The following USH2A variants were observed in gnomAD, a reference collection of about 807,000 sequenced individuals.
The protein encoded by USH2A is Usher syndrome 2A (autosomal recessive, mild).
Under a neutral mutation model 538.9 loss-of-function variants are expected in USH2A, and 443 were observed. That is an observed-to-expected ratio of 0.82 (90% CI 0.76 to 0.89). The LOEUF is 0.89. Among genes scored for constraint, USH2A ranks in the 40% least tolerant of loss-of-function variants. The probability of loss-of-function intolerance (pLI) is 0.00; values close to 1 mark genes in which losing one functional copy is unlikely to be tolerated. For synonymous variants in USH2A, 2,413 were observed against 2,273.5 expected (o/e 1.06, Z -1.75); for missense variants, 6,633 against 6,324.8 (o/e 1.05, Z -1.65).
chr1:215,663,537 G>A lies in USH2A; in HGVS notation c.14133+7435C>T, dbSNP rs1489733490. 4.6e-4 allele frequency among the ~76,000 whole-genome samples: 70 copies of A among 152,108 alleles called. 1 individual carries two copies. Among genetic ancestry groups the A allele is most frequent in the Admixed American group, 4.6e-3 (70 of 15,264 alleles). On this transcript the variant is annotated intron_variant, in intron 64 of 71. Coordinates refer to ENST00000307340, the MANE Select transcript of USH2A (RefSeq NM_206933.4). ...TGGTTGGTGTGTGTAGCGTGCTAGG[G>A]CAGTTCTTGCTTCTGGCTGGAAGCA...
chr1:215,841,920 G>A (rs1377836651), intron 46 of USH2A, among the ~76,000 whole-genome samples: 3 of 151,880 alleles, frequency 2.0e-5, no homozygotes, highest in African/African-American at 4.8e-5. Flanking sequence ...GAATTTATGC[G>A]GCCAACAAAC....
intron 9 of USH2A, among the ~76,000 whole-genome samples, chr1:216,297,213 C>A (rs1385097699): frequency 6.6e-6 from 1 of 151,958 alleles, no homozygotes; most frequent in Non-Finnish European, 1.5e-5. Context: ...CATAAGGTTG[C>A]TGTAAAGACC....
chr1:216,310,113 T>C (rs1228184654), intron 9 of USH2A, among the ~76,000 whole-genome samples: 1 of 152,128 alleles, frequency 6.6e-6, no homozygotes, highest in East Asian at 1.9e-4. Flanking sequence ...TCTCTTTTAA[T>C]TGGTATATTT....
intron 34 of USH2A, among the ~76,000 whole-genome samples, chr1:215,996,380 A>G (rs898332148): frequency 6.6e-6 from 1 of 152,140 alleles, no homozygotes; most frequent in African/African-American, 2.4e-5. Context: ...TAATACTTAG[A>G]ATTCATCAAG....
chr1:216,317,300 T>C (rs2037526846), intron 9 of USH2A, among the ~76,000 whole-genome samples: 3 of 151,984 alleles, frequency 2.0e-5, no homozygotes, highest in Admixed American at 6.6e-5. Context: ...GTACAAAAAA[T>C]CAAACATTAC....
intron 49 of USH2A, among the ~76,000 whole-genome samples, chr1:215,812,175 G>A (rs1368639301): frequency 6.6e-6 from 1 of 151,542 alleles, no homozygotes; most frequent in East Asian, 2.0e-4. Context: ...TACAAGAGAT[G>A]GGGTTTAGCC....
intron 54 of USH2A, among the ~76,000 whole-genome samples, chr1:215,780,984 G>A (rs917140295): frequency 6.6e-6 from 1 of 152,162 alleles, no homozygotes; most frequent in African/African-American, 2.4e-5. Context: ...GTTTCCTCCT[G>A]GGCTTCCTCT....
At chr1:216,198,687 T>C (rs2034912492) in intron 17 of USH2A, 103 bp from the exon 18 acceptor site, 2 of 1,042,736 alleles carry the variant, frequency 1.9e-6, no homozygotes, top group South Asian at 1.4e-5. Context: ...ATATTCATTG[T>C]CTTTCTAATT....
intron 21 of USH2A, among the ~76,000 whole-genome samples, chr1:216,162,896 C>CA (rs1210826638): frequency 1.3e-5 from 2 of 151,786 alleles, no homozygotes; most frequent in African/African-American, 4.8e-5. Context: ...GCCAAGCACC[C>CA]AAAAAAGAAT....
At chr1:215,779,706 G>T in intron 55 of USH2A, 137 bp downstream of exon 55, 1 of 1,011,884 alleles carries the variant, frequency 9.9e-7, no homozygotes, top group Non-Finnish European at 1.5e-6. Flanking sequence ...GGATAAGTGG[G>T]ACCTGACCAT....
At chr1:216,289,493 T>C in intron 10 of USH2A, 83 bp from the exon 11 acceptor site, 6 of 1,590,368 alleles carry the variant, frequency 3.8e-6, no homozygotes, top group Non-Finnish European at 5.2e-6. Flanking sequence ...CTGTATTCCT[T>C]TGAGGGAATT....
At chr1:216,363,789 T>C (rs116060177) in intron 4 of USH2A, among the ~76,000 whole-genome samples, 2,275 of 152,012 alleles carry the variant, frequency 0.015, 55 homozygotes, top group African/African-American at 0.052. Flanking sequence ...AGAAGATACA[T>C]TGACATGAAA....
intron 3 of USH2A, among the ~76,000 whole-genome samples, chr1:216,380,239 T>A (rs2038903134): frequency 6.6e-6 from 1 of 152,104 alleles, no homozygotes; most frequent in South Asian, 2.1e-4. Flanking sequence ...TCACTGTAGT[T>A]AAATGGGAAG....
At chr1:215,687,942 G>A (rs1018861808) in intron 61 of USH2A, among the ~76,000 whole-genome samples, 3 of 152,056 alleles carry the variant, frequency 2.0e-5, no homozygotes, top group South Asian at 2.1e-4. Context: ...TATAAAGGAG[G>A]ACAAATGGGC....
rs2031813049 is a variant in USH2A, at chr1:216,078,106, T to C, written c.5555A>G (p.His1852Arg). 5 of 1,613,508 alleles carry C rather than the reference T, an allele frequency of 3.1e-6. No individual in the cohort carries two copies. Among genetic ancestry groups the C allele is most frequent in the Non-Finnish European group, 4.2e-6 (5 of 1,179,720 alleles). ...IPQELLNSYQHLCLEQGFGGC... is the reference protein window; with the variant it reads ...IPQELLNSYQRLCLEQGFGGC... ...GAACTTACCTTGTTCCAAACACAAA[T>C]GTTGATAAGAGTTCAGCAGTTCCTG... Residue 1852 changes from histidine (H) to arginine (R), a missense_variant, in exon 27 of 72, where the codon CAT becomes CGT. Transcript: ENST00000307340.
chr1:215,814,115 C>G (rs1241242745), intron 48 of USH2A, among the ~76,000 whole-genome samples: 1 of 149,386 alleles, frequency 6.7e-6, no homozygotes, highest in Non-Finnish European at 1.5e-5. Context: ...AAGTCTTCAA[C>G]CATGCTTTGT....
At chr1:216,348,020 T>C (rs148214765) in intron 4 of USH2A, among the ~76,000 whole-genome samples, 1 of 152,298 alleles carries the variant, frequency 6.6e-6, no homozygotes, top group East Asian at 1.9e-4. Flanking sequence ...TTGCTTAAAA[T>C]GTTGCTGATC....
intron 11 of USH2A, among the ~76,000 whole-genome samples, chr1:216,271,287 G>A (rs913577595): frequency 1.3e-5 from 2 of 152,068 alleles, no homozygotes; most frequent in African/African-American, 2.4e-5. Context: ...CAAAAATGTT[G>A]CTCAGGGATT....
At position 215,894,857 on chromosome 1, in the gene USH2A, A is replaced by C. The variant is rs140846429; in HGVS notation, c.7594+5218T>G. ...TCATATGTCAGTGCTCTCTTACAGCAATTGCTTTCCAGCCTTACCCTGAAC... is the reference window on the plus strand; with the variant it reads ...TCATATGTCAGTGCTCTCTTACAGCCATTGCTTTCCAGCCTTACCCTGAAC... On this transcript the variant is annotated intron_variant, in intron 40 of 71. Coordinates refer to ENST00000307340, the MANE Select transcript of USH2A (RefSeq NM_206933.4). Among the ~76,000 whole-genome samples, 1,477 of 152,280 alleles carry C rather than the reference A, an allele frequency of 9.7e-3. 10 individuals carry two copies. Among genetic ancestry groups the C allele is most frequent in the Non-Finnish European group, 0.015 (999 of 68,012 alleles).
Sources: allele counts gnomAD v4.1 joint callset (sites outside exome capture counted in the v4.1 genomes callset), GRCh38; gene constraint gnomAD v4.1.1; transcripts MANE v1.5; gene names NCBI Gene and HGNC (gene_info 2026-07-23, HGNC 2026-07-21).